LMOD3: variants seen among roughly 807,000 people sequenced by gnomAD.
The protein encoded by LMOD3 is leiomodin-3.
A neutral mutation model predicts 41.8 loss-of-function variants in LMOD3; 31 were observed. The observed-to-expected ratio is 0.74, with a 90% confidence interval of 0.56 to 1.00. LMOD3 has a LOEUF of 1.00. LMOD3 is among the 50% of genes least tolerant of loss of function. The pLI is 0.00. For missense variants in LMOD3, 755 were observed against 679.5 expected (o/e 1.11, Z -1.23); for synonymous variants, 292 against 241.9 (o/e 1.21, Z -1.92).
Position 69,122,173 on chromosome 3 carries a change from C to A in LMOD3, c.214G>T (p.Val72Phe). The A allele has an allele frequency of 6.2e-7, 1 of 1,613,062 alleles. No individual in the cohort carries two copies. The highest frequency in any genetic ancestry group is 8.5e-7 in the Non-Finnish European group (1 of 1,179,482). Residue 72 changes from valine to phenylalanine, a missense_variant, in exon 1 of 3, where the codon GTT becomes TTT. Physicochemically the swap from Val to Phe is conservative, Grantham distance 50 (BLOSUM62 -1). Transcript: ENST00000420581. ...PTGNFNHKSLVDYMYWEKASR... is the reference protein window; with the variant it reads ...PTGNFNHKSLFDYMYWEKASR... ...GCCTTTTCCCAATACATATAATCAACAAGAGATTTATGATTGAAGTTTCCT... is the reference window on the plus strand; with the variant it reads ...GCCTTTTCCCAATACATATAATCAAAAAGAGATTTATGATTGAAGTTTCCT...
intron 1 of LMOD3, among the ~76,000 whole-genome samples, chr3:69,121,013 G>A (rs1299149881): frequency 6.6e-6 from 1 of 152,094 alleles, no homozygotes; most frequent in East Asian, 1.9e-4. Context: ...AAGAGACAGT[G>A]ACAAGTCACC....
rs772183582 is a variant in LMOD3 at position 69,109,110 on chromosome 3, T to C, written c.1668A>G (p.Pro556=). ...SVAYLKPVQL[P]KELA Reference sequence around the variant, plus strand: ...CTGTTGCCTCTTACGCCAGTTCTTTTGGCAGTTGCACCTGCGATTTAAGCA... The same window carrying C: ...CTGTTGCCTCTTACGCCAGTTCTTTCGGCAGTTGCACCTGCGATTTAAGCA... Residue 556 remains proline, a synonymous_variant, in exon 3 of 3, where the codon CCA becomes CCG. Coordinates refer to ENST00000420581, the MANE Select transcript of LMOD3 (RefSeq NM_198271.5). 1.2e-6 allele frequency: 2 copies of C among 1,603,008 alleles called. No individual in the cohort carries two copies. Among genetic ancestry groups the C allele is most frequent in the Non-Finnish European group, 1.7e-6 (2 of 1,174,538 alleles).
chr3:69,106,648 AATAAT>A lies in LMOD3; in HGVS notation c.*2442_*2446del, dbSNP rs2092323834. ...TGTGCATTTTGAAATTCCTGACTTT[AATAAT>A]ACTGTGGCTATACAAACAAATGCAT... On this transcript the variant is annotated 3_prime_UTR_variant, in exon 3 of 3. Transcript: ENST00000420581. Among the ~76,000 whole-genome samples the A allele has an allele frequency of 1.3e-5, 2 of 151,776 alleles. No homozygotes were observed. Among genetic ancestry groups the A allele is most frequent in the Non-Finnish European group, 2.9e-5 (2 of 67,960 alleles).
At chr3:69,117,933 G>C (rs1039301771) in intron 2 of LMOD3, among the ~76,000 whole-genome samples, 1 of 151,084 alleles carries the variant, frequency 6.6e-6, no homozygotes, top group African/African-American at 2.4e-5. Flanking sequence ...CCAAGTTCAA[G>C]TGACTCTCCT....
intron 2 of LMOD3, among the ~76,000 whole-genome samples, chr3:69,115,464 A>T (rs1258444233): frequency 2.6e-5 from 4 of 151,082 alleles, no homozygotes. Flanking sequence ...CCTGGGTGAT[A>T]GAGTGAGATC....
Position 69,122,424 on chromosome 3 carries a change from TAATC to T in LMOD3, c.-42_-39del. On this transcript the variant is annotated 5_prime_UTR_variant, in exon 1 of 3. Coordinates refer to ENST00000420581, the MANE Select transcript of LMOD3 (RefSeq NM_198271.5). ...ATATTATTTTACTAGAAAAGAAGAA[TAATC>T]AAAGATGATTTTTAAAAAGAAGGAA... is the stretch of plus-strand genomic sequence containing the variant. 1 of 1,396,036 alleles carries T rather than the reference TAATC, an allele frequency of 7.2e-7. No homozygotes were observed. The highest frequency in any genetic ancestry group is 9.7e-7 in the Non-Finnish European group (1 of 1,034,124). The allele number at this position is 1,396,036 out of a possible 1,614,324, so 86.5% of individuals were successfully genotyped here.
intron 2 of LMOD3, among the ~76,000 whole-genome samples, chr3:69,111,960 T>C (rs1244510104): frequency 3.9e-5 from 6 of 152,170 alleles, no homozygotes; most frequent in Non-Finnish European, 8.8e-5. Flanking sequence ...CTATCCATAA[T>C]ATCAAATATT....
In LMOD3 at chr3:69,108,644, T is replaced by A. The variant is rs755246117; in HGVS notation, c.*451A>T. The A allele has an allele frequency of 6.5e-6, 1 of 153,572 alleles. No homozygotes were observed. Among genetic ancestry groups the A allele is most frequent in the Non-Finnish European group, 1.5e-5 (1 of 68,820 alleles). 9.5% of individuals were successfully genotyped at this position (153,572 alleles called of 1,614,324 possible). ...ATTCATCCTTCACATTTCCATAGGA[T>A]GAAACATTATTTGTTCCCTTTAAGA... On this transcript the variant is annotated 3_prime_UTR_variant, in exon 3 of 3. Coordinates refer to ENST00000420581, the MANE Select transcript of LMOD3 (RefSeq NM_198271.5).
At chr3:69,117,171 A>T (rs1180012561) in intron 2 of LMOD3, among the ~76,000 whole-genome samples, 1 of 152,134 alleles carries the variant, frequency 6.6e-6, no homozygotes, top group East Asian at 1.9e-4. Flanking sequence ...ACCTCATGTG[A>T]CCTCCAGCGT....
chr3:69,122,193 T>C lies in LMOD3; in HGVS notation c.194A>G (p.Asn65Ser). Reference sequence around the variant, plus strand: ...ATCAACAAGAGATTTATGATTGAAGTTTCCTGTCGGTGGCTTGTCAGTTTG... The same window carrying C: ...ATCAACAAGAGATTTATGATTGAAGCTTCCTGTCGGTGGCTTGTCAGTTTG... ...KDQTDKPPTG[N>S]FNHKSLVDYM... Residue 65 changes from asparagine (N) to serine (S), a missense_variant, in exon 1 of 3, where the codon AAC becomes AGC. Transcript: ENST00000420581. 1 of 1,613,532 alleles carries C rather than the reference T, an allele frequency of 6.2e-7. No individual in the cohort carries two copies. The highest frequency in any genetic ancestry group is 8.5e-7 in the Non-Finnish European group (1 of 1,179,738).
intron 2 of LMOD3, among the ~76,000 whole-genome samples, chr3:69,110,838 C>CAAAAAAAAAAAAAAAAAA (rs774402446): frequency 3.0e-5 from 2 of 67,012 alleles, no homozygotes; most frequent in African/African-American, 1.6e-4. Context: ...GACACCATCT[C>CAAAAAAAAAAAAAAAAAA]AAAAAAAAAA....
chr3:69,118,842 G>A lies in LMOD3; in HGVS notation c.1513C>T (p.Pro505Ser). 6.2e-7 allele frequency: 1 copy of A among 1,605,650 alleles called. No homozygotes were observed. The highest frequency in any genetic ancestry group is 8.5e-7 in the Non-Finnish European group (1 of 1,177,246). ...TCTTTGAGGTTGGTTTTCTCGGGTG[G>A]TTCTCTGGCTTCCGGCATCCGAGAT... is the stretch of plus-strand genomic sequence containing the variant. ...RKSRMPEAREPPEKTNLKDVI... is the reference protein window; with the variant it reads ...RKSRMPEARESPEKTNLKDVI... Residue 505 changes from proline to serine, a missense_variant, in exon 2 of 3, where the codon CCA becomes TCA. By Grantham distance (74) the Pro-to-Ser change is moderately conservative (BLOSUM62 -1). Transcript: ENST00000420581.
At chr3:69,120,771 C>T (rs2092403779) in intron 1 of LMOD3, among the ~76,000 whole-genome samples, 1 of 151,888 alleles carries the variant, frequency 6.6e-6, no homozygotes, top group African/African-American at 2.4e-5. Flanking sequence ...TGCCTAGGAA[C>T]CAGGGCCAGC....
At position 69,119,600 on chromosome 3, in the gene LMOD3, T is replaced by C. The variant is rs1350325256; in HGVS notation, c.755A>G (p.Asp252Gly). 1.2e-6 allele frequency: 2 copies of C among 1,613,794 alleles called. No homozygotes were observed. Among genetic ancestry groups the C allele is most frequent in the East Asian group, 4.5e-5 (2 of 44,890 alleles). ...CAGGTTGAGTTCCTTCATGTCAGGATCATTTTTCCTAACTCTCCTCAAGCT... is the reference window on the plus strand; with the variant it reads ...CAGGTTGAGTTCCTTCATGTCAGGACCATTTTTCCTAACTCTCCTCAAGCT... Reference protein sequence around the residue: ...DGSLRRVRKNDPDMKELNLNN... With the variant: ...DGSLRRVRKNGPDMKELNLNN... Residue 252 changes from aspartate (D) to glycine (G), a missense_variant, in exon 2 of 3, where the codon GAT becomes GGT. By Grantham distance (94) the Asp-to-Gly change is moderately conservative. Coordinates refer to ENST00000420581, the MANE Select transcript of LMOD3 (RefSeq NM_198271.5).
At chr3:69,117,486 A>G (rs966791556) in intron 2 of LMOD3, among the ~76,000 whole-genome samples, 3 of 152,226 alleles carry the variant, frequency 2.0e-5, no homozygotes, top group Admixed American at 6.5e-5. Flanking sequence ...TTAAAATAAT[A>G]TAGTTAATTA....
chr3:69,109,972 CTCAT>C (rs1196266407), intron 2 of LMOD3, among the ~76,000 whole-genome samples: 1 of 152,104 alleles, frequency 6.6e-6, no homozygotes, highest in Non-Finnish European at 1.5e-5. Context: ...GATTTCAGTG[CTCAT>C]TATTATACAC....
rs1472883082 is a variant in LMOD3 at position 69,107,478 on chromosome 3, T to G, written c.*1617A>C. On this transcript the variant is annotated 3_prime_UTR_variant, in exon 3 of 3. Transcript: ENST00000420581. ...GTTTTTTTTTTTTTTTTTTTTTTTTTTTTTTTTTTTTTTTTTGAGATGGAG... is the reference window on the plus strand; with the variant it reads ...GTTTTTTTTTTTTTTTTTTTTTTTTGTTTTTTTTTTTTTTTTGAGATGGAG... 2.7e-5 allele frequency: 3 copies of G among 111,142 alleles called. No homozygotes were observed. Among genetic ancestry groups the G allele is most frequent in the East Asian group, 4.9e-4 (2 of 4,058 alleles). 6.9% of individuals were successfully genotyped at this position (111,142 alleles called of 1,614,324 possible). A position where few individuals can be genotyped will look rare whatever the true frequency, so the allele number is the denominator to read the frequency against.
chr3:69,110,332 C>G (rs1027335123), intron 2 of LMOD3, among the ~76,000 whole-genome samples: 8 of 151,890 alleles, frequency 5.3e-5, no homozygotes, highest in Admixed American at 2.6e-4. Context: ...CAGGTTCAAG[C>G]GATTCTCCTG....
At chr3:69,120,886 T>C (rs947182016) in intron 1 of LMOD3, among the ~76,000 whole-genome samples, 1 of 152,202 alleles carries the variant, frequency 6.6e-6, no homozygotes, top group African/African-American at 2.4e-5. Context: ...TGCACATCAA[T>C]TATAATGCTT....
Sources: allele counts gnomAD v4.1 joint callset (sites outside exome capture counted in the v4.1 genomes callset), GRCh38; gene constraint gnomAD v4.1.1; transcripts MANE v1.5; gene names NCBI Gene and HGNC (gene_info 2026-07-23, HGNC 2026-07-21).